The following ZNF750 variants were observed in gnomAD, a reference collection of about 807,000 sequenced individuals.
ZNF750 encodes zinc finger protein 750.
A neutral mutation model predicts 31.6 loss-of-function variants in ZNF750; 10 were observed. That is an observed-to-expected ratio of 0.32 (90% CI 0.19 to 0.54). The LOEUF is 0.54. Among genes scored for constraint, ZNF750 ranks in the 20% least tolerant of loss-of-function variants. The pLI is 0.95. For synonymous variants in ZNF750, 400 were observed against 404.9 expected (o/e 0.99, Z 0.15); for missense variants, 914 against 934.9 (o/e 0.98, Z 0.29).
chr17:82,834,139 G>A (rs2145316124), intron 1 of ZNF750, among the ~76,000 whole-genome samples: 1 of 152,220 alleles, frequency 6.6e-6, no homozygotes, highest in African/African-American at 2.4e-5. Context: ...GTAGAGACGG[G>A]GTTTTGCCAT....
chr17:82,834,564 C>T (rs928140762), intron 1 of ZNF750, among the ~76,000 whole-genome samples: 1 of 152,100 alleles, frequency 6.6e-6, no homozygotes, highest in Non-Finnish European at 1.5e-5. Flanking sequence ...ATGTCCTTCG[C>T]AGGGAGAAAT....
chr17:82,838,584 T>G (rs1052196207), intron 1 of ZNF750: 3 of 918,188 alleles, frequency 3.3e-6, no homozygotes, highest in Middle Eastern at 1.1e-3. Flanking sequence ...GGACACACCA[T>G]TGTCGCCTAC....
chr17:82,830,665 G>A lies in ZNF750; in HGVS notation c.1649C>T (p.Pro550Leu). 6.2e-7 allele frequency: 1 copy of A among 1,614,158 alleles called. No homozygotes were observed. The highest frequency in any genetic ancestry group is 8.5e-7 in the Non-Finnish European group (1 of 1,180,022). The change falls in exon 3 of 3, where the codon CCA becomes CTA. Residue 550 changes from proline (P) to leucine (L), a missense_variant. Around this residue, in one of 2 missense-constraint regions of ZNF750, gnomAD observed 880 missense variants for 868.9 expected, o/e 1.01. Transcript: ENST00000269394. ...TASFSELQDLPLNLSVKDPCN... is the reference protein window; with the variant it reads ...TASFSELQDLLLNLSVKDPCN... ...GGGGTCCTTCACCGAGAGATTGAGT[G>A]GAAGGTCCTGCAGCTCTGAGAAGCT...
chr17:82,833,125 A>C lies in ZNF750; in HGVS notation c.-182-489T>G, dbSNP rs1316851760. Among the ~76,000 whole-genome samples the C allele has an allele frequency of 6.6e-6, 1 of 152,022 alleles. No individual in the cohort carries two copies. The highest frequency in any genetic ancestry group is 2.4e-5 in the African/African-American group (1 of 41,380). On this transcript the variant is annotated intron_variant, in intron 1 of 2. Transcript: ENST00000269394. The surrounding 1 kb of genome is among the most constrained non-coding windows in gnomAD (Gnocchi z 4.7). The stretch of plus-strand genomic sequence containing the variant: ...TGTGATCGGCCACACTCTCACGTGA[A>C]ATACGAAGGGGTTTGTGGCTGTTTC...
At position 82,830,454 on chromosome 17, in the gene ZNF750, G is replaced by A. The variant is rs775246356; in HGVS notation, c.1860C>T (p.Asp620=). 3.1e-6 allele frequency: 5 copies of A among 1,612,384 alleles called. No individual in the cohort carries two copies. The East Asian group carries it at 8.9e-5, about 29-fold the overall frequency. The part of the protein sequence containing the change: ...PPTGPGEEAP[D]ACAVDSSEEQ... ...CCTCGCTGCTGTCCACCGCGCATGC[G>A]TCTGGAGCCTCCTCGCCGGGGCCTG... Residue 620 remains aspartate (D), a synonymous_variant, in exon 3 of 3, where the codon GAC becomes GAT. Transcript: ENST00000269394.
intron 1 of ZNF750, among the ~76,000 whole-genome samples, chr17:82,836,960 A>G (rs1019594919): frequency 2.0e-4 from 31 of 152,232 alleles, no homozygotes; most frequent in African/African-American, 5.8e-4. Flanking sequence ...TTGGAGCTCA[A>G]TTGCTCGAAG....
Position 82,831,497 on chromosome 17 carries a change from C to T in ZNF750, c.958G>A (p.Gly320Arg), listed in dbSNP as rs192308712. 38 of 1,613,984 alleles carry T rather than the reference C, an allele frequency of 2.4e-5. No individual in the cohort carries two copies. Among genetic ancestry groups the T allele is most frequent in the Admixed American group, 1.3e-4 (8 of 59,996 alleles). Residue 320 changes from glycine to arginine, a missense_variant, in exon 2 of 3, where the codon GGA becomes AGA. Gly to Arg is a moderately radical substitution (Grantham distance 125, BLOSUM62 -2). Coordinates refer to ENST00000269394, the MANE Select transcript of ZNF750 (RefSeq NM_024702.3). The surrounding 1 kb of genome is among the most constrained non-coding windows in gnomAD (Gnocchi z 4.6). Reference sequence around the variant, plus strand: ...AATGCAGACTCTGGCCTGTAAAATCCGTAAGGAATCGGCAGGTTAGAGGGA... The same window carrying T: ...AATGCAGACTCTGGCCTGTAAAATCTGTAAGGAATCGGCAGGTTAGAGGGA... ...QYPSNLPIPY[G>R]FYRPESAFSS...
rs558662973 is a variant in ZNF750 at position 82,835,978 on chromosome 17, C to G, written c.-182-3342G>C. Among the ~76,000 whole-genome samples, 13 of 152,282 alleles carry G rather than the reference C, an allele frequency of 8.5e-5. No homozygotes were observed. Among genetic ancestry groups the G allele is most frequent in the Middle Eastern group, 3.4e-3 (1 of 294 alleles). ...CGGGTGACACCCTGGGCTCAGACCCCGCGCTCAGCACCCGTCTCCCACCGT... is the reference window on the plus strand; with the variant it reads ...CGGGTGACACCCTGGGCTCAGACCCGGCGCTCAGCACCCGTCTCCCACCGT... On this transcript the variant is annotated intron_variant, in intron 1 of 2. Coordinates refer to ENST00000269394, the MANE Select transcript of ZNF750 (RefSeq NM_024702.3). This position sits in a 1 kb window ranked among gnomAD's most constrained non-coding sequence, Gnocchi z 4.5.
In ZNF750 at chr17:82,830,860, C is replaced by A. The variant is rs774870100; in HGVS notation, c.1454G>T (p.Gly485Val). ...GCTTCCGGTCGGAGCAGGAGGGTCTCCGTTCACAACATTGAGGCTAGAAGA... is the reference window on the plus strand; with the variant it reads ...GCTTCCGGTCGGAGCAGGAGGGTCTACGTTCACAACATTGAGGCTAGAAGA... ...ESPVSLNVVN[G>V]DPPAPTGSAS... The change falls in exon 3 of 3, where the codon GGA (glycine) becomes GTA (valine). Residue 485 changes from glycine (G) to valine (V), a missense_variant. Physicochemically the swap from Gly to Val is moderately radical, Grantham distance 109. Around this residue, in one of 2 missense-constraint regions of ZNF750, gnomAD observed 880 missense variants for 868.9 expected, o/e 1.01. Transcript: ENST00000269394. The A allele has an allele frequency of 2.2e-5, 35 of 1,612,656 alleles. No homozygotes were observed. The Admixed American group carries it at 5.0e-4, about 23-fold the overall frequency.
rs1356374738 is a variant in ZNF750 at position 82,832,612 on chromosome 17, G to A, written c.-158C>T. ...TCTGCGTGCTGAGGGTCTGGCGAGA[G>A]CCTCCGTCATCTGGCGGCTGGGAGC... On this transcript the variant is annotated 5_prime_UTR_variant, in exon 2 of 3. Coordinates refer to ENST00000269394, the MANE Select transcript of ZNF750 (RefSeq NM_024702.3). The surrounding 1 kb of genome is among the most constrained non-coding windows in gnomAD (Gnocchi z 4.9). 7.2e-6 allele frequency: 5 copies of A among 698,420 alleles called. No homozygotes were observed. The highest frequency in any genetic ancestry group is 5.4e-5 in the East Asian group (2 of 37,116). 43.3% of individuals were successfully genotyped at this position (698,420 alleles called of 1,614,324 possible). A position where few individuals can be genotyped will look rare whatever the true frequency, so the allele number is the denominator to read the frequency against.
chr17:82,830,488 G>T lies in ZNF750; in HGVS notation c.1826C>A (p.Ala609Asp). Reference sequence around the variant, plus strand: ...CTCCTCGCCGGGGCCTGTGGGTGGGGCCCCGTCACCGTCGAGGCTGCCTGG... The same window carrying T: ...CTCCTCGCCGGGGCCTGTGGGTGGGTCCCCGTCACCGTCGAGGCTGCCTGG... ...TKPGSLDGDG[A>D]PPTGPGEEAP... Residue 609 changes from alanine to aspartate, a missense_variant, in exon 3 of 3, where the codon GCC (alanine) becomes GAC (aspartate). By Grantham distance (126) the Ala-to-Asp change is moderately radical. Transcript: ENST00000269394. 6.2e-7 allele frequency: 1 copy of T among 1,613,190 alleles called. No individual in the cohort carries two copies. Among genetic ancestry groups the T allele is most frequent in the Non-Finnish European group, 8.5e-7 (1 of 1,179,740 alleles).
chr17:82,834,765 C>A (rs192943927), intron 1 of ZNF750, among the ~76,000 whole-genome samples: 33 of 152,242 alleles, frequency 2.2e-4, no homozygotes, highest in African/African-American at 7.2e-4. Context: ...ATAGCTAATG[C>A]ATGCAGGGCT....
rs138391103 is a variant in ZNF750 at position 82,831,150 on chromosome 17, G to A, written c.1305C>T (p.Asn435=). ...TTCCCAGTGCGCTGGAGGCTGCCTTGTTGGAGAGGTCGTACAGGCCTTCGC... is the reference window on the plus strand; with the variant it reads ...TTCCCAGTGCGCTGGAGGCTGCCTTATTGGAGAGGTCGTACAGGCCTTCGC... ...QTCEGLYDLS[N]KAASSALGRL... The change falls in exon 2 of 3, where the codon AAC becomes AAT. Residue 435 remains asparagine, a synonymous_variant. Transcript: ENST00000269394. This position sits in a 1 kb window ranked among gnomAD's most constrained non-coding sequence, Gnocchi z 4.6. 1.7e-5 allele frequency: 28 copies of A among 1,614,148 alleles called. No individual in the cohort carries two copies. In the East Asian group the frequency reaches 6.0e-4, roughly 35 times the overall value.
chr17:82,831,310 G>A lies in ZNF750; in HGVS notation c.1145C>T (p.Pro382Leu). Residue 382 changes from proline to leucine, a missense_variant, in exon 2 of 3, where the codon CCT (proline) becomes CTT (leucine). Pro to Leu is a moderately conservative substitution (Grantham distance 98). Coordinates refer to ENST00000269394, the MANE Select transcript of ZNF750 (RefSeq NM_024702.3). This position sits in a 1 kb window ranked among gnomAD's most constrained non-coding sequence, Gnocchi z 4.6. ...AGCCTTGGAGGAGTCTTTAGCCTCA[G>A]GAATTGGACTTTCGAACTCGACGTG... Reference protein sequence around the residue: ...RKHVEFESPIPEAKDSSKAGQ... With the variant: ...RKHVEFESPILEAKDSSKAGQ... The A allele has an allele frequency of 6.2e-7, 1 of 1,614,006 alleles. No individual in the cohort carries two copies. Among genetic ancestry groups the A allele is most frequent in the Non-Finnish European group, 8.5e-7 (1 of 1,180,034 alleles).
In ZNF750 at chr17:82,832,671, G is replaced by A. The variant is rs2053620808; in HGVS notation, c.-182-35C>T. ...AGAGCAGTCTTGGTGTCAGGACAGCGAGTGAGGGGTCGGCGAGAAGCCGGC... is the reference window on the plus strand; with the variant it reads ...AGAGCAGTCTTGGTGTCAGGACAGCAAGTGAGGGGTCGGCGAGAAGCCGGC... On this transcript the variant is annotated intron_variant, in intron 1 of 2. Transcript: ENST00000269394. This position sits in a 1 kb window ranked among gnomAD's most constrained non-coding sequence, Gnocchi z 4.9. The A allele has an allele frequency of 5.0e-6, 3 of 595,272 alleles. No homozygotes were observed. Among genetic ancestry groups the A allele is most frequent in the Admixed American group, 3.0e-5 (1 of 33,776 alleles). 36.9% of individuals were successfully genotyped at this position (595,272 alleles called of 1,614,324 possible).
At chr17:82,834,054 C>T (rs1027264194) in intron 1 of ZNF750, among the ~76,000 whole-genome samples, 2 of 152,114 alleles carry the variant, frequency 1.3e-5, no homozygotes, top group African/African-American at 4.8e-5. Flanking sequence ...AAGCGATTCT[C>T]CTGCCTCAGC....
Position 82,831,187 on chromosome 17 carries a change from G to C in ZNF750, c.1268C>G (p.Thr423Arg). ...GTACAGGCCTTCGCAGGTCTGGCTC[G>C]TCTGCATGAAGTCGGTGGGGCTCGG... Reference protein sequence around the residue: ...GRPSPTDFMQTSQTCEGLYDL... With the variant: ...GRPSPTDFMQRSQTCEGLYDL... Residue 423 changes from threonine to arginine, a missense_variant, in exon 2 of 3, where the codon ACG becomes AGG. Around this residue, in one of 2 missense-constraint regions of ZNF750, gnomAD observed 880 missense variants for 868.9 expected, o/e 1.01. Coordinates refer to ENST00000269394, the MANE Select transcript of ZNF750 (RefSeq NM_024702.3). The surrounding 1 kb of genome is among the most constrained non-coding windows in gnomAD (Gnocchi z 4.6). 1 of 1,614,152 alleles carries C rather than the reference G, an allele frequency of 6.2e-7. No homozygotes were observed. Among genetic ancestry groups the C allele is most frequent in the Non-Finnish European group, 8.5e-7 (1 of 1,180,036 alleles).
In ZNF750 at chr17:82,829,865, T is replaced by C; in HGVS notation, c.*277A>G. The C allele has an allele frequency of 2.1e-6, 1 of 474,984 alleles. No homozygotes were observed. The highest frequency in any genetic ancestry group is 3.7e-6 in the Non-Finnish European group (1 of 268,558). The allele number at this position is 474,984 out of a possible 1,614,324, so 29.4% of individuals were successfully genotyped here. A position where few individuals can be genotyped will look rare whatever the true frequency, so the allele number is the denominator to read the frequency against. Reference sequence around the variant, plus strand: ...TTTATAAGGAAACATTTATAAAAGATCTTCTGTAAGACAGCTTAGACTTGA... The same window carrying C: ...TTTATAAGGAAACATTTATAAAAGACCTTCTGTAAGACAGCTTAGACTTGA... On this transcript the variant is annotated 3_prime_UTR_variant, in exon 3 of 3. Transcript: ENST00000269394.
intron 1 of ZNF750, among the ~76,000 whole-genome samples, chr17:82,834,877 T>C (rs1049984516): frequency 1.3e-5 from 2 of 150,474 alleles, no homozygotes; most frequent in African/African-American, 5.0e-5. Context: ...ACTTAAAGTA[T>C]AATAAAAAAA....
Sources: gnomAD v4.1 joint callset for allele counts (sites outside exome capture counted in the v4.1 genomes callset) on GRCh38, gnomAD v4.1.1 for gene constraint, gnomAD v4.1.1 regional missense constraint, Gnocchi (gnomAD v3.1) non-coding constraint, MANE v1.5 for transcripts, NCBI Gene and HGNC (gene_info 2026-07-23, HGNC 2026-07-21) for gene names.